Variants in PDE7A observed in about 807,000 individuals in gnomAD.
PDE7A encodes the protein high affinity 3',5'-cyclic-AMP phosphodiesterase 7A.
In PDE7A, 39 loss-of-function variants were observed where a neutral mutation model predicts 64.3. The observed-to-expected ratio is 0.61, with a 90% CI of 0.47 to 0.79. PDE7A has a LOEUF of 0.79. Among genes scored for constraint, PDE7A ranks in the 30% least tolerant of loss-of-function variants. The pLI is 0.00. For missense variants in PDE7A, 470 were observed against 582.8 expected (o/e 0.81, Z 1.99); for synonymous variants, 203 against 206.8 (o/e 0.98, Z 0.16).
In PDE7A at chr8:65,782,908, A is replaced by C. The variant is rs77974778; in HGVS notation, c.139-65T>G. ...ATATGATACAAAATTCAACTCAACA[A>C]ACATGTATTCATCATTTATTATTTG... On this transcript the variant is annotated intron_variant, in intron 1 of 12. Coordinates refer to ENST00000401827, the MANE Select transcript of PDE7A (RefSeq NM_001242318.3). 5.6e-3 allele frequency: 5,072 copies of C among 901,410 alleles called. 191 individuals carry two copies. In the African/African-American group the frequency reaches 0.073, roughly 13 times the overall value. The allele number at this position is 901,410 out of a possible 1,614,324, so 55.8% of individuals were successfully genotyped here. A position where few individuals can be genotyped will look rare whatever the true frequency, so the allele number is the denominator to read the frequency against.
intron 3 of PDE7A, among the ~76,000 whole-genome samples, chr8:65,779,159 G>T (rs1238861506): frequency 6.6e-6 from 1 of 152,102 alleles, no homozygotes; most frequent in African/African-American, 2.4e-5. Context: ...AATTACTTTA[G>T]CTAACATTAC....
chr8:65,751,075 C>T (rs1204785670), intron 3 of PDE7A, among the ~76,000 whole-genome samples: 17 of 152,158 alleles, frequency 1.1e-4, no homozygotes, highest in Admixed American at 1.1e-3. Context: ...GGACATGGAG[C>T]CTGTCTAGAT....
intron 1 of PDE7A, among the ~76,000 whole-genome samples, chr8:65,832,822 C>A (rs922642967): frequency 6.6e-6 from 1 of 152,218 alleles, no homozygotes. Flanking sequence ...TCTTTGATTA[C>A]CAGCATGGTT....
rs924246096 is a variant in PDE7A, at chr8:65,716,581, T to C, written c.*2709A>G. Among the ~76,000 whole-genome samples, 2 of 152,198 alleles carry C rather than the reference T, an allele frequency of 1.3e-5. No individual in the cohort carries two copies. The highest frequency in any genetic ancestry group is 4.8e-5 in the African/African-American group (2 of 41,454). The stretch of plus-strand genomic sequence containing the variant: ...GGTGCACGAGGCAACTTGCTTCCCT[T>C]GCTCAGAATCCATGCTCACCAGCTG... On this transcript the variant is annotated 3_prime_UTR_variant, in exon 13 of 13. Coordinates refer to ENST00000401827, the MANE Select transcript of PDE7A (RefSeq NM_001242318.3).
At chr8:65,773,568 C>T (rs1809172560) in intron 3 of PDE7A, among the ~76,000 whole-genome samples, 2 of 152,126 alleles carry the variant, frequency 1.3e-5, no homozygotes, top group African/African-American at 2.4e-5. Context: ...TTAATTTGAA[C>T]CATTTTTTTG....
At chr8:65,807,705 A>T (rs2128929116) in intron 1 of PDE7A, among the ~76,000 whole-genome samples, 1 of 152,292 alleles carries the variant, frequency 6.6e-6, no homozygotes, top group South Asian at 2.1e-4. Flanking sequence ...GTTCCCTTCT[A>T]TTCCTAGTTT....
chr8:65,726,788 TAACA>T lies in PDE7A; in HGVS notation c.920+83_920+86del, dbSNP rs998057734. On this transcript the variant is annotated intron_variant, in intron 9 of 12. Coordinates refer to ENST00000401827, the MANE Select transcript of PDE7A (RefSeq NM_001242318.3). ...CTGAAAACTGTGGAACACCTGAACA[TAACA>T]ATTTTTAAAACTTTATAAAATTACT... 3.6e-5 allele frequency: 26 copies of T among 719,492 alleles called. No individual in the cohort carries two copies. In the African/African-American group the frequency reaches 4.6e-4, roughly 13 times the overall value. The allele number at this position is 719,492 out of a possible 1,614,324, so 44.6% of individuals were successfully genotyped here. A position where few individuals can be genotyped will look rare whatever the true frequency, so the allele number is the denominator to read the frequency against.
chr8:65,841,532 C>T lies in PDE7A; in HGVS notation c.-24G>A. The T allele has an allele frequency of 7.0e-7, 1 of 1,431,848 alleles. No homozygotes were observed. The highest frequency in any genetic ancestry group is 9.1e-7 in the Non-Finnish European group (1 of 1,094,072). 88.7% of individuals were successfully genotyped at this position (1,431,848 alleles called of 1,614,324 possible). A position where few individuals can be genotyped will look rare whatever the true frequency, so the allele number is the denominator to read the frequency against. On this transcript the variant is annotated 5_prime_UTR_variant, in exon 1 of 13. Coordinates refer to ENST00000401827, the MANE Select transcript of PDE7A (RefSeq NM_001242318.3). ...ATTGAATACGCCCGCCCTGCCTCCGCGCGGCGCCCGCCCTGCCGCGGCCGC... is the reference window on the plus strand; with the variant it reads ...ATTGAATACGCCCGCCCTGCCTCCGTGCGGCGCCCGCCCTGCCGCGGCCGC...
intron 1 of PDE7A, among the ~76,000 whole-genome samples, chr8:65,816,291 A>C (rs922580061): frequency 6.6e-6 from 1 of 152,254 alleles, no homozygotes; most frequent in South Asian, 2.1e-4. Flanking sequence ...AAAGAGGTGA[A>C]AGCAATTTGC....
At chr8:65,779,912 C>A in intron 2 of PDE7A, 109 bp from the exon 3 acceptor site, 1 of 583,208 alleles carries the variant, frequency 1.7e-6, no homozygotes, top group South Asian at 2.8e-5. Flanking sequence ...TAACAGCCCA[C>A]TGATCATATA....
chr8:65,825,749 T>C (rs1020189636), intron 1 of PDE7A, among the ~76,000 whole-genome samples: 2 of 152,196 alleles, frequency 1.3e-5, no homozygotes, highest in African/African-American at 4.8e-5. Flanking sequence ...TTTTTCTTTA[T>C]TCTTTTGTAA....
Position 65,804,753 on chromosome 8 carries a change from G to C in PDE7A, c.139-21910C>G, listed in dbSNP as rs542090163. On this transcript the variant is annotated intron_variant, in intron 1 of 12. Transcript: ENST00000401827. ...AGGGTTTCACCATGTTGGCCAGGCT[G>C]GTTTCAAACTCCTGACCTCAAGTGA... Among the ~76,000 whole-genome samples the C allele has an allele frequency of 2.0e-5, 3 of 152,140 alleles. No homozygotes were observed. In the South Asian group the frequency reaches 6.2e-4, roughly 32 times the overall value.
intron 12 of PDE7A, among the ~76,000 whole-genome samples, chr8:65,720,046 T>C (rs1471374108): frequency 6.6e-6 from 1 of 152,194 alleles, no homozygotes; most frequent in Admixed American, 6.5e-5. Flanking sequence ...AGAGTCAGTC[T>C]AAAAATAACA....
At chr8:65,741,482 G>A (rs969496803) in intron 5 of PDE7A, among the ~76,000 whole-genome samples, 2 of 152,180 alleles carry the variant, frequency 1.3e-5, no homozygotes, top group East Asian at 1.9e-4. Context: ...ATTAATTGGA[G>A]CATTATTTGC....
At chr8:65,827,765 G>A (rs1810713962) in intron 1 of PDE7A, among the ~76,000 whole-genome samples, 2 of 152,168 alleles carry the variant, frequency 1.3e-5, no homozygotes, top group South Asian at 2.1e-4. Context: ...GAAGCAATAG[G>A]CTATACCACA....
At chr8:65,767,149 C>T (rs1258574884) in intron 3 of PDE7A, among the ~76,000 whole-genome samples, 1 of 152,176 alleles carries the variant, frequency 6.6e-6, no homozygotes, top group East Asian at 1.9e-4. Context: ...TTGTAGCCCT[C>T]AACACCAACA....
At chr8:65,758,465 T>A (rs1448382211) in intron 3 of PDE7A, among the ~76,000 whole-genome samples, 24 of 152,258 alleles carry the variant, frequency 1.6e-4, no homozygotes, top group Admixed American at 1.6e-3. Context: ...GAATTTATAG[T>A]CATATCAGCA....
At chr8:65,731,100 T>C (rs1806868890) in intron 7 of PDE7A, among the ~76,000 whole-genome samples, 1 of 152,154 alleles carries the variant, frequency 6.6e-6, no homozygotes, top group Admixed American at 6.6e-5. Context: ...CAGACAAAAA[T>C]TCCTGCCCTG....
intron 1 of PDE7A, among the ~76,000 whole-genome samples, chr8:65,810,692 G>A (rs568981669): frequency 4.6e-5 from 7 of 151,986 alleles, no homozygotes; most frequent in Admixed American, 1.3e-4. Flanking sequence ...AAAACTTAAA[G>A]TATCTCAATA....
Sources: gnomAD v4.1 joint callset for allele counts (sites outside exome capture counted in the v4.1 genomes callset) on GRCh38, gnomAD v4.1.1 for gene constraint, MANE v1.5 for transcripts, NCBI Gene and HGNC (gene_info 2026-07-23, HGNC 2026-07-21) for gene names.